FAM135A: variants seen among roughly 807,000 people sequenced by gnomAD.
FAM135A encodes the protein protein FAM135A.
FAM135A carries 79 observed loss-of-function variants against 146.8 expected under a neutral mutation model. The ratio of observed to expected loss-of-function variants is 0.54; its 90% CI spans 0.45 to 0.65. The LOEUF (loss-of-function observed/expected upper bound fraction) is 0.65, where lower values mean the gene tolerates loss of function less well. Ranked by LOEUF, FAM135A falls within the 30% of genes least tolerant of loss-of-function variation. The pLI, the probability that FAM135A is intolerant of heterozygous loss-of-function variation, is 0.00. For missense variants in FAM135A, 1,623 were observed against 1,758.2 expected (o/e 0.92, Z 1.38); for synonymous variants, 562 against 603.6 (o/e 0.93, Z 1.01).
At chr6:70,472,714 T>C (rs1036219094) in intron 5 of FAM135A, among the ~76,000 whole-genome samples, 4 of 152,206 alleles carry the variant, frequency 2.6e-5, no homozygotes, top group African/African-American at 4.8e-5. Context: ...CTCAGTCTCT[T>C]CTTGACTTTG....
chr6:70,529,890 G>A (rs368600813), intron 16 of FAM135A, among the ~76,000 whole-genome samples: 3 of 151,910 alleles, frequency 2.0e-5, no homozygotes, highest in African/African-American at 7.3e-5. Context: ...GTGAAACCCC[G>A]TCTCTACTAA....
intron 4 of FAM135A, among the ~76,000 whole-genome samples, chr6:70,435,081 GTATA>G (rs767689681): frequency 0.021 from 1,967 of 94,126 alleles, 23 homozygotes; most frequent in African/African-American, 0.026. Flanking sequence ...GTGTGTGTGT[GTATA>G]TATATATATA....
chr6:70,495,421 A>G (rs1786999705), intron 11 of FAM135A, among the ~76,000 whole-genome samples: 2 of 152,128 alleles, frequency 1.3e-5, no homozygotes, highest in South Asian at 4.1e-4. Flanking sequence ...ACATGATCAT[A>G]ATTCCTCCCC....
chr6:70,536,223 A>G (rs774737363), intron 18 of FAM135A, 37 bp from the exon 19 acceptor site: 43 of 1,553,356 alleles, frequency 2.8e-5, no homozygotes, highest in Non-Finnish European at 3.3e-5. Flanking sequence ...TCTAAAACTA[A>G]TGCTGTGAGA....
chr6:70,520,784 C>T (rs1422349419), intron 12 of FAM135A, among the ~76,000 whole-genome samples: 1 of 152,042 alleles, frequency 6.6e-6, no homozygotes, highest in Non-Finnish European at 1.5e-5. Context: ...GGCAGTCATA[C>T]CTTAGTTATG....
intron 20 of FAM135A, among the ~76,000 whole-genome samples, chr6:70,544,669 A>T (rs1277862235): frequency 6.6e-6 from 1 of 152,120 alleles, no homozygotes; most frequent in Non-Finnish European, 1.5e-5. Flanking sequence ...TGAACCAGGG[A>T]TGTGGAGGCT....
chr6:70,419,297 T>G (rs1035608365), intron 2 of FAM135A, among the ~76,000 whole-genome samples: 1 of 152,140 alleles, frequency 6.6e-6, no homozygotes, highest in East Asian at 1.9e-4. Flanking sequence ...CGCACGCCTG[T>G]AGTCCCAGCT....
chr6:70,506,230 G>A (rs78858843), intron 12 of FAM135A, among the ~76,000 whole-genome samples: 15 of 152,196 alleles, frequency 9.9e-5, no homozygotes, highest in South Asian at 6.2e-4. Flanking sequence ...ACTCTGACAA[G>A]ACTTGAAAGG....
At chr6:70,414,238 C>G (rs1284721623) in intron 1 of FAM135A, among the ~76,000 whole-genome samples, 2 of 152,142 alleles carry the variant, frequency 1.3e-5, no homozygotes, top group Non-Finnish European at 2.9e-5. Flanking sequence ...TCCATAATTT[C>G]TTCCTTGGTT....
chr6:70,514,392 T>G (rs996616436), intron 12 of FAM135A, among the ~76,000 whole-genome samples: 3 of 152,188 alleles, frequency 2.0e-5, no homozygotes, highest in African/African-American at 7.2e-5. Context: ...GTTTACTGTT[T>G]ATGACCAGCT....
Position 70,526,481 on chromosome 6 carries a change from A to G in FAM135A, c.3397A>G (p.Ile1133Val). 6.2e-7 allele frequency: 1 copy of G among 1,613,606 alleles called. No homozygotes were observed. Among genetic ancestry groups the G allele is most frequent in the Non-Finnish European group, 8.5e-7 (1 of 1,179,694 alleles). ...AGAAAGACTTACAAAATCTGAAAAAATAAACAGTGACTATCTGAGAGATGG... is the reference window on the plus strand; with the variant it reads ...AGAAAGACTTACAAAATCTGAAAAAGTAAACAGTGACTATCTGAGAGATGG... ...MEERLTKSEK[I>V]NSDYLRDGIN... Residue 1133 changes from isoleucine to valine, a missense_variant, in exon 15 of 22, where the codon ATA becomes GTA. Transcript: ENST00000418814.
intron 4 of FAM135A, among the ~76,000 whole-genome samples, chr6:70,436,708 A>G (rs899165879): frequency 1.3e-5 from 2 of 152,208 alleles, no homozygotes; most frequent in Non-Finnish European, 2.9e-5. Context: ...CAGTTTCACC[A>G]TTCTTTAGGT....
At chr6:70,475,642 C>T in intron 6 of FAM135A, 21 bp from the exon 7 acceptor site, 2 of 1,600,260 alleles carry the variant, frequency 1.2e-6, no homozygotes, top group Non-Finnish European at 1.7e-6. Context: ...AAAAGTATCT[C>T]ATAGTGTAAT....
intron 11 of FAM135A, among the ~76,000 whole-genome samples, chr6:70,495,060 A>G (rs780496735): frequency 3.9e-5 from 6 of 152,182 alleles, no homozygotes; most frequent in Non-Finnish European, 7.4e-5. Flanking sequence ...AGAGACATGA[A>G]AAACTTGTTA....
Position 70,435,109 on chromosome 6 carries a change from ATTTT to A in FAM135A, c.77+6702_77+6705del, listed in dbSNP as rs1213346179. ...TATATATATATATATATATATATAT[ATTTT>A]TTTTTTTTTTTAGATGGAGTCTCAC... On this transcript the variant is annotated intron_variant, in intron 4 of 21. Transcript: ENST00000418814. 1.2e-3 allele frequency among the ~76,000 whole-genome samples: 76 copies of A among 64,706 alleles called. No individual in the cohort carries two copies. In the South Asian group the frequency reaches 0.019, roughly 16 times the overall value. The allele number at this position is 64,706 out of a possible 152,430, so 42.4% of individuals were successfully genotyped here.
At chr6:70,500,731 A>G (rs776412762) in intron 11 of FAM135A, among the ~76,000 whole-genome samples, 2 of 152,114 alleles carry the variant, frequency 1.3e-5, no homozygotes, top group Non-Finnish European at 2.9e-5. Context: ...TTCTAACAGT[A>G]AGGCCCCTCT....
At position 70,428,380 on chromosome 6, in the gene FAM135A, A is replaced by T; in HGVS notation, c.38A>T (p.Glu13Val). The part of the protein sequence containing the change: ...EVQAMVEFSV[E>V]LNKFYNVDLF... ...CAAGCAATGGTAGAATTCTCTGTGG[A>T]GCTAAACAAGTTCTACAATGTGGAT... The change falls in exon 4 of 22, where the codon GAG becomes GTG. Residue 13 changes from glutamate to valine, a missense_variant. Physicochemically the swap from Glu to Val is moderately radical, Grantham distance 121. Around this residue, in one of 7 missense-constraint regions of FAM135A, gnomAD observed 171 missense variants for 164.9 expected, o/e 1.04. Transcript: ENST00000418814. 1 of 1,604,400 alleles carries T rather than the reference A, an allele frequency of 6.2e-7. No individual in the cohort carries two copies. The highest frequency in any genetic ancestry group is 8.5e-7 in the Non-Finnish European group (1 of 1,175,566).
intron 8 of FAM135A, among the ~76,000 whole-genome samples, chr6:70,478,006 C>T (rs1782951246): frequency 6.6e-6 from 1 of 152,104 alleles, no homozygotes; most frequent in African/African-American, 2.4e-5. Flanking sequence ...ACTATAATTA[C>T]TCTGGAAAAG....
chr6:70,555,174 T>G (rs528171490), intron 20 of FAM135A, among the ~76,000 whole-genome samples: 5 of 152,214 alleles, frequency 3.3e-5, no homozygotes, highest in African/African-American at 7.2e-5. Flanking sequence ...ATTGGAGAGA[T>G]AATATCTTTC....
Sources: gnomAD v4.1 joint callset for allele counts (sites outside exome capture counted in the v4.1 genomes callset) on GRCh38, gnomAD v4.1.1 for gene constraint, gnomAD v4.1.1 regional missense constraint, MANE v1.5 for transcripts, NCBI Gene and HGNC (gene_info 2026-07-23, HGNC 2026-07-21) for gene names.